The following LSM12 variants were observed in gnomAD, a reference collection of about 807,000 sequenced individuals.
The protein encoded by LSM12 is protein LSM12.
For synonymous variants in LSM12, 74 were observed against 87.3 expected (o/e 0.85, Z 0.85); for missense variants, 108 against 238.9 (o/e 0.45, Z 3.61).
At position 44,035,882 on chromosome 17, in the gene LSM12, G is replaced by A. The variant is rs1430836529; in HGVS notation, c.*326C>T. ...AAACAGAATGGCAGGAACAAACTAG[G>A]AAAGGAAAGTCAGAAGTAAAGGGCA... On this transcript the variant is annotated 3_prime_UTR_variant, in exon 5 of 5. Coordinates refer to ENST00000293406, the MANE Select transcript of LSM12 (RefSeq NM_001371445.1). 1 of 161,828 alleles carries A rather than the reference G, an allele frequency of 6.2e-6. No individual in the cohort carries two copies. Among genetic ancestry groups the A allele is most frequent in the Non-Finnish European group, 1.3e-5 (1 of 78,242 alleles). 10.0% of individuals were successfully genotyped at this position (161,828 alleles called of 1,614,324 possible).
chr17:44,056,280 A>G (rs1167704256), intron 2 of LSM12, among the ~76,000 whole-genome samples: 1 of 144,000 alleles, frequency 6.9e-6, no homozygotes, highest in Non-Finnish European at 1.5e-5. Flanking sequence ...GGGGAACAAG[A>G]GTAAAACTCT....
intron 2 of LSM12, among the ~76,000 whole-genome samples, chr17:44,050,333 CT>C (rs35266398): frequency 0.17 from 25,991 of 151,358 alleles, 3,441 homozygotes; most frequent in East Asian, 0.73. Flanking sequence ...TGGTCTCGAA[CT>C]CCTGACCTCA....
intron 1 of LSM12, among the ~76,000 whole-genome samples, chr17:44,065,439 TAAAAAAAA>T (rs35086714): frequency 8.8e-6 from 1 of 113,580 alleles, no homozygotes; most frequent in Non-Finnish European, 1.8e-5. Flanking sequence ...GACTCCATCT[TAAAAAAAA>T]AAAAAAAAAA....
In LSM12 at chr17:44,036,037, CT is replaced by C. The variant is rs2049411630; in HGVS notation, c.*170del. On this transcript the variant is annotated 3_prime_UTR_variant, in exon 5 of 5. Coordinates refer to ENST00000293406, the MANE Select transcript of LSM12 (RefSeq NM_001371445.1). Reference sequence around the variant, plus strand: ...TCAACTTTTAAATTATTCTCTTGTTCTTTTTTGTTGGGTGTTTTGTTTGTTC... The same window carrying C: ...TCAACTTTTAAATTATTCTCTTGTTCTTTTTGTTGGGTGTTTTGTTTGTTC... 2 of 541,034 alleles carry C rather than the reference CT, an allele frequency of 3.7e-6. No individual in the cohort carries two copies. Among genetic ancestry groups the C allele is most frequent in the Non-Finnish European group, 6.4e-6 (2 of 310,920 alleles). The allele number at this position is 541,034 out of a possible 1,614,324, so 33.5% of individuals were successfully genotyped here.
At chr17:44,065,980 T>C in intron 1 of LSM12, among the ~76,000 whole-genome samples, 1 of 152,000 alleles carries the variant, frequency 6.6e-6, no homozygotes, top group East Asian at 1.9e-4. Context: ...TTGGTCACCA[T>C]CCCACCGCCC....
At chr17:44,052,455 C>A (rs1358773593) in intron 2 of LSM12, among the ~76,000 whole-genome samples, 1 of 152,110 alleles carries the variant, frequency 6.6e-6, no homozygotes, top group African/African-American at 2.4e-5. Flanking sequence ...AGAGCAAGAA[C>A]TTGTCTTTAC....
chr17:44,036,780 G>GAT (rs956411653), intron 4 of LSM12: 3 of 164,878 alleles, frequency 1.8e-5, no homozygotes, highest in Non-Finnish European at 2.7e-5. Context: ...GACGGCAACT[G>GAT]ATTTATACCA....
chr17:44,065,758 A>C lies in LSM12; in HGVS notation c.124+706T>G, dbSNP rs556321036. On this transcript the variant is annotated intron_variant, in intron 1 of 4. Coordinates refer to ENST00000293406, the MANE Select transcript of LSM12 (RefSeq NM_001371445.1). Reference sequence around the variant, plus strand: ...TTTCACCTGTAACTCACACATCCCCAAACCACATAAGCCCCTGGCAAGCCC... The same window carrying C: ...TTTCACCTGTAACTCACACATCCCCCAACCACATAAGCCCCTGGCAAGCCC... 2.2e-4 allele frequency among the ~76,000 whole-genome samples: 34 copies of C among 152,198 alleles called. No homozygotes were observed. The East Asian group carries it at 4.6e-3, about 21-fold the overall frequency.
chr17:44,062,765 A>C (rs1384990462), intron 2 of LSM12, among the ~76,000 whole-genome samples: 1 of 151,768 alleles, frequency 6.6e-6, no homozygotes, highest in Admixed American at 6.6e-5. Context: ...GCTCACACCT[A>C]TAATCTTACC....
chr17:44,067,286 C>G (rs1344982268), upstream of LSM12, among the ~76,000 whole-genome samples: 1 of 152,082 alleles, frequency 6.6e-6, no homozygotes. Context: ...GGCAACAGAG[C>G]GAGACTCTGT....
At chr17:44,045,388 T>C (rs1421583205) in intron 2 of LSM12, among the ~76,000 whole-genome samples, 1 of 152,216 alleles carries the variant, frequency 6.6e-6, no homozygotes, top group Non-Finnish European at 1.5e-5. Flanking sequence ...TGATACAATG[T>C]GTTGACTTAC....
chr17:44,063,888 G>C lies in LSM12; in HGVS notation c.171C>G (p.Leu57=). The C allele has an allele frequency of 6.2e-7, 1 of 1,613,864 alleles. No individual in the cohort carries two copies. The highest frequency in any genetic ancestry group is 8.5e-7 in the Non-Finnish European group (1 of 1,179,956). ...SGKPNHADIL[L]INLQYVSEVE... is the part of the protein sequence containing the mutation. ...CTTCTGAAACATACTGTAAGTTTAT[G>C]AGCAAGATGTCTGCATGGTTGGGCT... is the stretch of plus-strand genomic sequence containing the variant. Residue 57 remains leucine (L), a synonymous_variant, in exon 2 of 5, where the codon CTC becomes CTG. Coordinates refer to ENST00000293406, the MANE Select transcript of LSM12 (RefSeq NM_001371445.1).
At chr17:44,041,299 ACAC>A (rs1178278064) in intron 2 of LSM12, among the ~76,000 whole-genome samples, 3 of 124,302 alleles carry the variant, frequency 2.4e-5, no homozygotes, top group African/African-American at 9.4e-5. Flanking sequence ...AAACACACAC[ACAC>A]ACACACACAC....
At chr17:44,055,494 T>C (rs1356705366) in intron 2 of LSM12, among the ~76,000 whole-genome samples, 56 of 130,100 alleles carry the variant, frequency 4.3e-4, no homozygotes, top group Admixed American at 1.4e-3. Context: ...AAGCCCCGTC[T>C]CTACCAAAAA....
chr17:44,056,420 A>G (rs2049715102), intron 2 of LSM12, among the ~76,000 whole-genome samples: 1 of 152,050 alleles, frequency 6.6e-6, no homozygotes, highest in Non-Finnish European at 1.5e-5. Context: ...CGTTGGCAGT[A>G]TAGTAAGACC....
intron 2 of LSM12, among the ~76,000 whole-genome samples, chr17:44,050,961 T>C (rs2049635371): frequency 6.6e-6 from 1 of 151,854 alleles, no homozygotes. Flanking sequence ...GGCAAAACCC[T>C]ACAAAAAATT....
Position 44,050,515 on chromosome 17 carries a change from CATTTTTTT to C in LSM12, c.259-10267_259-10260del, listed in dbSNP as rs772695101. ...CCCTAGCTGAAAGCTTGTGCCTGAA[CATTTTTTT>C]TTTTTTTGAGATGGAGTCTCGCTCT... On this transcript the variant is annotated intron_variant, in intron 2 of 4. Coordinates refer to ENST00000293406, the MANE Select transcript of LSM12 (RefSeq NM_001371445.1). Among the ~76,000 whole-genome samples the C allele has an allele frequency of 3.4e-5, 5 of 146,698 alleles. No individual in the cohort carries two copies. The East Asian group carries it at 1.1e-3, about 31-fold the overall frequency.
chr17:44,051,779 G>T (rs946370004), intron 2 of LSM12, among the ~76,000 whole-genome samples: 8 of 152,044 alleles, frequency 5.3e-5, no homozygotes, highest in Non-Finnish European at 5.9e-5. Flanking sequence ...TGCAAGACCA[G>T]ACTGGGCAAC....
chr17:44,052,678 G>C (rs997670548), intron 2 of LSM12, among the ~76,000 whole-genome samples: 5 of 151,952 alleles, frequency 3.3e-5, no homozygotes, highest in Non-Finnish European at 7.4e-5. Context: ...AGAATCGCTT[G>C]AACCCGGGAG....
Sources: gnomAD v4.1 joint callset for allele counts (sites outside exome capture counted in the v4.1 genomes callset) on GRCh38, gnomAD v4.1.1 for gene constraint, MANE v1.5 for transcripts, NCBI Gene and HGNC (gene_info 2026-07-23, HGNC 2026-07-21) for gene names.